Variants in SPATA31H1 observed in about 807,000 individuals in gnomAD.
SPATA31H1 encodes the protein SPATA31 subfamily H member 1.
the SPATA31H1 span, chr2:27,572,004 C>T: frequency 2.5e-6 from 1 of 398,354 alleles, no homozygotes; most frequent in Non-Finnish European, 4.4e-6. Flanking sequence ...GAATTTTGAG[C>T]AAGTAAAGAA....
chr2:27,561,996 C>T, the SPATA31H1 span, among the ~76,000 whole-genome samples: 6 of 152,280 alleles, frequency 3.9e-5, no homozygotes, highest in African/African-American at 1.2e-4. Flanking sequence ...TCACTTTGCC[C>T]GATTCCCATC....
At chr2:27,562,856 C>G in the SPATA31H1 span, among the ~76,000 whole-genome samples, 1 of 150,120 alleles carries the variant, frequency 6.7e-6, no homozygotes, top group Non-Finnish European at 1.5e-5. Flanking sequence ...CACTGCACTC[C>G]AGCCTGGACG....
chr2:27,579,621 G>T, the SPATA31H1 span: 1 of 1,614,084 alleles, frequency 6.2e-7, no homozygotes, highest in Admixed American at 1.7e-5. Flanking sequence ...ACATATGCCT[G>T]TCTCATGTGC....
At chr2:27,548,106 C>G in the SPATA31H1 span, among the ~76,000 whole-genome samples, 1 of 151,284 alleles carries the variant, frequency 6.6e-6, no homozygotes, top group Non-Finnish European at 1.5e-5. Flanking sequence ...CTCAGCCTCC[C>G]CAGTAGCTGG....
At chr2:27,574,856 G>A in the SPATA31H1 span, 4 of 398,438 alleles carry the variant, frequency 1.0e-5, no homozygotes, top group East Asian at 1.4e-4. Context: ...AATCTATGGA[G>A]TTCAGTTCTG....
chr2:27,570,921 A>T, the SPATA31H1 span: 5 of 398,784 alleles, frequency 1.3e-5, no homozygotes, highest in African/African-American at 8.2e-5. Context: ...ACAGTTGCCC[A>T]GTGTAAATCA....
At chr2:27,578,956 C>T in the SPATA31H1 span, 1 of 1,613,932 alleles carries the variant, frequency 6.2e-7, no homozygotes, top group East Asian at 2.2e-5. Context: ...TTTCCTTTGG[C>T]CCTTCATAAT....
chr2:27,539,891 G>C, the SPATA31H1 span, among the ~76,000 whole-genome samples: 1 of 123,420 alleles, frequency 8.1e-6, no homozygotes, highest in Non-Finnish European at 1.7e-5. Flanking sequence ...CCTCCCTCCC[G>C]GATGGGGCGG....
the SPATA31H1 span, chr2:27,580,332 TA>T: frequency 6.2e-7 from 1 of 1,614,178 alleles, no homozygotes; most frequent in Non-Finnish European, 8.5e-7. Flanking sequence ...ACCTGGGCAC[TA>T]TGAATTCACT....
chr2:27,542,840 T>TA, the SPATA31H1 span, among the ~76,000 whole-genome samples: 1 of 152,044 alleles, frequency 6.6e-6, no homozygotes, highest in Non-Finnish European at 1.5e-5. Context: ...CTCATGCCTG[T>TA]AATCCCAGAA....
At chr2:27,572,919 A>C in the SPATA31H1 span, 1 of 398,102 alleles carries the variant, frequency 2.5e-6, no homozygotes, top group Admixed American at 4.4e-5. Flanking sequence ...GCAAAAAGGG[A>C]AAATTCCAGC....
At chr2:27,580,722 T>A in the SPATA31H1 span, 1 of 1,614,162 alleles carries the variant, frequency 6.2e-7, no homozygotes, top group Non-Finnish European at 8.5e-7. Flanking sequence ...GCCAGACAAT[T>A]TGTGGGCAAG....
chr2:27,540,114 C>T, the SPATA31H1 span, among the ~76,000 whole-genome samples: 304 of 92,310 alleles, frequency 3.3e-3, no homozygotes, highest in African/African-American at 4.1e-3. Context: ...CCTCACCTCC[C>T]GGACGGGGCG....
the SPATA31H1 span, among the ~76,000 whole-genome samples, chr2:27,556,563 C>T: frequency 6.6e-6 from 1 of 151,378 alleles, no homozygotes; most frequent in Admixed American, 6.6e-5. Flanking sequence ...ATCTGTACCC[C>T]TTACTGAGTT....
chr2:27,547,194 G>A, the SPATA31H1 span, among the ~76,000 whole-genome samples: 3 of 93,140 alleles, frequency 3.2e-5, no homozygotes, highest in Non-Finnish European at 6.6e-5. Flanking sequence ...TTTTTTTTTT[G>A]AGACAGTCTC....
the SPATA31H1 span, chr2:27,572,884 C>G: frequency 5.0e-6 from 2 of 397,758 alleles, no homozygotes; most frequent in Non-Finnish European, 8.9e-6. Flanking sequence ...GTGAAAGCTC[C>G]TGAGTTGTCC....
At chr2:27,557,914 C>A in the SPATA31H1 span, among the ~76,000 whole-genome samples, 1 of 13,696 alleles carries the variant, frequency 7.3e-5, no homozygotes, top group Non-Finnish European at 1.6e-4. Context: ...GGGCGGGGGG[C>A]TGACCCCCCC....
the SPATA31H1 span, among the ~76,000 whole-genome samples, chr2:27,563,483 C>A: frequency 7.4e-6 from 1 of 134,974 alleles, no homozygotes; most frequent in South Asian, 2.4e-4. Context: ...GCAGCCTTGA[C>A]CTCCCAGGCT....
chr2:27,549,377 T>C, the SPATA31H1 span, among the ~76,000 whole-genome samples: 1 of 151,816 alleles, frequency 6.6e-6, no homozygotes, highest in Non-Finnish European at 1.5e-5. Flanking sequence ...CTCTTTGTGT[T>C]GTCCAGGCTG....
Sources: gnomAD v4.1 joint callset for allele counts (sites outside exome capture counted in the v4.1 genomes callset) on GRCh38, gnomAD v4.1.1 for gene constraint, MANE v1.5 for transcripts, NCBI Gene and HGNC (gene_info 2026-07-23, HGNC 2026-07-21) for gene names.